USP37: variants seen among roughly 807,000 people sequenced by gnomAD.
The protein encoded by USP37 is ubiquitin carboxyl-terminal hydrolase 37.
In USP37, 27 loss-of-function variants were observed where a neutral mutation model predicts 124.0. The observed-to-expected ratio is 0.22, with a 90% confidence interval of 0.16 to 0.30. The LOEUF is 0.30. Ranked by LOEUF, USP37 falls within the 10% of genes least tolerant of loss-of-function variation. The probability of loss-of-function intolerance (pLI) is 1.00; values close to 1 mark genes in which losing one functional copy is unlikely to be tolerated. For missense variants in USP37, 889 were observed against 1,140.4 expected (o/e 0.78, Z 3.17); for synonymous variants, 365 against 388.0 (o/e 0.94, Z 0.70).
rs1692357301 is a variant in USP37 at position 218,546,922 on chromosome 2, T to C, written c.599A>G (p.Asn200Ser). The change falls in exon 7 of 26, where the codon AAT becomes AGT. Residue 200 changes from asparagine (N) to serine (S), a missense_variant. Physicochemically the swap from Asn to Ser is conservative, Grantham distance 46 (BLOSUM62 1). Transcript: ENST00000258399. ...STPLRSGLLE[N>S]RTEKRKRMIS... is the part of the protein sequence containing the mutation. ...CTAAGAAAAAAGTCTCTCCTACCGA[T>C]TTTCTAGCAACCCTGATCTAAGAGG... is the stretch of plus-strand genomic sequence containing the variant. 1 of 1,606,462 alleles carries C rather than the reference T, an allele frequency of 6.2e-7. No individual in the cohort carries two copies. The highest frequency in any genetic ancestry group is 1.7e-5 in the Admixed American group (1 of 57,420).
chr2:218,532,332 G>A (rs1277371869), intron 9 of USP37, among the ~76,000 whole-genome samples: 2 of 152,040 alleles, frequency 1.3e-5, no homozygotes, highest in Non-Finnish European at 2.9e-5. Flanking sequence ...TGCATGTAGT[G>A]GTGTGCGCCT....
intron 14 of USP37, among the ~76,000 whole-genome samples, chr2:218,493,971 A>C (rs1457041842): frequency 1.3e-5 from 2 of 152,226 alleles, no homozygotes; most frequent in African/African-American, 4.8e-5. Context: ...TGACTTGCAC[A>C]AATTTTGTCT....
Position 218,453,326 on chromosome 2 carries a change from G to C in USP37, c.*1604C>G, listed in dbSNP as rs886599538. 4 of 151,706 alleles carry C rather than the reference G, an allele frequency of 2.6e-5. No homozygotes were observed. Among genetic ancestry groups the C allele is most frequent in the Non-Finnish European group, 5.9e-5 (4 of 67,966 alleles). 9.4% of individuals were successfully genotyped at this position (151,706 alleles called of 1,614,324 possible). A position where few individuals can be genotyped will look rare whatever the true frequency, so the allele number is the denominator to read the frequency against. On this transcript the variant is annotated 3_prime_UTR_variant, in exon 26 of 26. Coordinates refer to ENST00000258399, the MANE Select transcript of USP37 (RefSeq NM_020935.3). The stretch of plus-strand genomic sequence containing the variant: ...CACTCAGACTGCAGTGCAATGATGC[G>C]ATCTCAGCTCACTGCAACCTCTGCC...
intron 9 of USP37, among the ~76,000 whole-genome samples, chr2:218,532,461 T>G (rs1691383252): frequency 1.2e-5 from 1 of 84,720 alleles, no homozygotes; most frequent in Admixed American, 1.5e-4. Flanking sequence ...AGCAAGACTC[T>G]GTCTCAAAAA....
chr2:218,507,658 G>A (rs1017169297), intron 11 of USP37, among the ~76,000 whole-genome samples: 1 of 152,086 alleles, frequency 6.6e-6, no homozygotes, highest in African/African-American at 2.4e-5. Flanking sequence ...GTTTAGCAAA[G>A]TATAGTTTCT....
At chr2:218,533,693 A>G (rs1691463537) in intron 9 of USP37, among the ~76,000 whole-genome samples, 1 of 152,164 alleles carries the variant, frequency 6.6e-6, no homozygotes, top group Non-Finnish European at 1.5e-5. Context: ...ACAATCCCAA[A>G]CCACTAAAAG....
At chr2:218,520,890 G>A (rs1344950369) in intron 10 of USP37, among the ~76,000 whole-genome samples, 3 of 152,174 alleles carry the variant, frequency 2.0e-5, no homozygotes, top group African/African-American at 7.2e-5. Context: ...CAAATCTCAT[G>A]TAAAATCATA....
intron 2 of USP37, among the ~76,000 whole-genome samples, chr2:218,561,335 A>AGATGGAAAGTCAGGAGAATCCC (rs1319964310): frequency 2.0e-5 from 3 of 152,168 alleles, no homozygotes; most frequent in Non-Finnish European, 4.4e-5. Context: ...ATTAGATTAG[A>AGATGGAAAGTCAGGAGAATCCC]GATGGAAAGT....
At chr2:218,532,144 A>G (rs984768385) in intron 9 of USP37, among the ~76,000 whole-genome samples, 4 of 152,182 alleles carry the variant, frequency 2.6e-5, no homozygotes, top group Admixed American at 6.5e-5. Flanking sequence ...TGAAACGAAG[A>G]GTCAATCAGA....
At chr2:218,456,835 TG>T (rs1689724328) in intron 24 of USP37, among the ~76,000 whole-genome samples, 1 of 151,984 alleles carries the variant, frequency 6.6e-6, no homozygotes, top group South Asian at 2.1e-4. Flanking sequence ...CTGGGCGTGG[TG>T]GTGCATGCCT....
chr2:218,556,263 CTACATACAGAAAT>C (rs1692967806), intron 4 of USP37, among the ~76,000 whole-genome samples: 2 of 152,004 alleles, frequency 1.3e-5, no homozygotes, highest in Non-Finnish European at 2.9e-5. Flanking sequence ...ATGTATTTGT[CTACATACAGAAAT>C]CACTTCCAGT....
chr2:218,528,724 C>A, intron 10 of USP37: 2 of 382,786 alleles, frequency 5.2e-6, no homozygotes, highest in East Asian at 4.3e-5. Flanking sequence ...ACCATCAACC[C>A]TTCTGTGCTG....
Position 218,475,461 on chromosome 2 carries a change from G to A in USP37, c.2044-576C>T, listed in dbSNP as rs1280264560. On this transcript the variant is annotated intron_variant, in intron 19 of 25. Coordinates refer to ENST00000258399, the MANE Select transcript of USP37 (RefSeq NM_020935.3). Reference sequence around the variant, plus strand: ...TAAAAATACAAAAATTAGGCTGGGCGTGGTGGCTCATGCCTGTAATCCCAG... The same window carrying A: ...TAAAAATACAAAAATTAGGCTGGGCATGGTGGCTCATGCCTGTAATCCCAG... Among the ~76,000 whole-genome samples the A allele has an allele frequency of 7.9e-5, 12 of 152,212 alleles. No homozygotes were observed. In the East Asian group the frequency reaches 1.5e-3, roughly 20 times the overall value.
rs1197015288 is a variant in USP37 at position 218,454,007 on chromosome 2, A to G, written c.*923T>C. The G allele has an allele frequency of 6.6e-6, 1 of 152,266 alleles. No homozygotes were observed. Among genetic ancestry groups the G allele is most frequent in the African/African-American group, 2.4e-5 (1 of 41,446 alleles). The allele number at this position is 152,266 out of a possible 1,614,324, so 9.4% of individuals were successfully genotyped here. A position where few individuals can be genotyped will look rare whatever the true frequency, so the allele number is the denominator to read the frequency against. On this transcript the variant is annotated 3_prime_UTR_variant, in exon 26 of 26. Transcript: ENST00000258399. ...ATTCCTGCTGGGGAGTCCCAATTGG[A>G]GAAATATTATCTTTCTACTTGTTTA...
At position 218,454,648 on chromosome 2, in the gene USP37, AC is replaced by A; in HGVS notation, c.*281del. 8.2e-6 allele frequency: 3 copies of A among 365,108 alleles called. No homozygotes were observed. Among genetic ancestry groups the A allele is most frequent in the Non-Finnish European group, 1.5e-5 (3 of 205,322 alleles). 22.6% of individuals were successfully genotyped at this position (365,108 alleles called of 1,614,324 possible). A position where few individuals can be genotyped will look rare whatever the true frequency, so the allele number is the denominator to read the frequency against. On this transcript the variant is annotated 3_prime_UTR_variant, in exon 26 of 26. Coordinates refer to ENST00000258399, the MANE Select transcript of USP37 (RefSeq NM_020935.3). ...TGTGTGTGTCTGTGTGTGTGTATAC[AC>A]ACATACACAGATATATATTTACAAC...
At chr2:218,543,501 C>CAAAAAA (rs35321679) in intron 8 of USP37, among the ~76,000 whole-genome samples, 2 of 36,956 alleles carry the variant, frequency 5.4e-5, no homozygotes, top group African/African-American at 1.2e-4. Flanking sequence ...GACTCCGTCT[C>CAAAAAA]AAAAAAAAAA....
chr2:218,558,513 A>T lies in USP37; in HGVS notation c.141T>A (p.Ile47=), dbSNP rs534942178. 48 of 1,609,286 alleles carry T rather than the reference A, an allele frequency of 3.0e-5. No individual in the cohort carries two copies. Among genetic ancestry groups the T allele is most frequent in the African/African-American group, 2.8e-4 (21 of 74,800 alleles). Residue 47 remains isoleucine (I), a synonymous_variant, in exon 4 of 26, where the codon ATT becomes ATA. Transcript: ENST00000258399. ...SLVVHYNTGG[I]PRIFQLSHNI... is the part of the protein sequence containing the mutation. ...TTGGTATTACCTGAAATATCCTTGG[A>T]ATTCCTCCAGTATTGTAGTGAACTA...
intron 8 of USP37, among the ~76,000 whole-genome samples, chr2:218,536,304 G>A (rs190859190): frequency 2.1e-3 from 320 of 152,202 alleles, no homozygotes; most frequent in Non-Finnish European, 3.7e-3. Context: ...CTAAGCCTGT[G>A]GCAGACAATG....
At chr2:218,491,556 G>C (rs73990497) in intron 14 of USP37, among the ~76,000 whole-genome samples, 6,097 of 152,268 alleles carry the variant, frequency 0.04, 397 homozygotes, top group African/African-American at 0.14. Flanking sequence ...GAATAAATGG[G>C]TGTTGTTTTA....
Sources: gnomAD v4.1 joint callset for allele counts (sites outside exome capture counted in the v4.1 genomes callset) on GRCh38, gnomAD v4.1.1 for gene constraint, MANE v1.5 for transcripts, NCBI Gene and HGNC (gene_info 2026-07-23, HGNC 2026-07-21) for gene names.